The following PPFIBP1 variants were observed in gnomAD, a reference collection of about 807,000 sequenced individuals.
The protein encoded by PPFIBP1 is PPFIB scaffold protein 1.
A neutral mutation model predicts 137.8 loss-of-function variants in PPFIBP1; 112 were observed. The observed-to-expected ratio is 0.81, with a 90% CI of 0.70 to 0.95. The LOEUF is 0.95. Ranked by LOEUF, PPFIBP1 falls within the 40% of genes least tolerant of loss-of-function variation. The probability of loss-of-function intolerance (pLI) is 0.00; values close to 1 mark genes in which losing one functional copy is unlikely to be tolerated. For synonymous variants in PPFIBP1, 378 were observed against 417.3 expected (o/e 0.91, Z 1.15); for missense variants, 1,083 against 1,196.6 (o/e 0.91, Z 1.40).
chr12:27,568,258 G>A (rs1378447181), intron 1 of PPFIBP1, among the ~76,000 whole-genome samples: 1 of 152,186 alleles, frequency 6.6e-6, no homozygotes, highest in African/African-American at 2.4e-5. Flanking sequence ...AGTAATCTTA[G>A]AAGTTATTTT....
At chr12:27,612,746 A>G (rs1315005715) in intron 2 of PPFIBP1, among the ~76,000 whole-genome samples, 3 of 152,288 alleles carry the variant, frequency 2.0e-5, no homozygotes, top group African/African-American at 7.2e-5. Context: ...GGGCCCTGAA[A>G]TACAATCCTA....
intron 1 of PPFIBP1, among the ~76,000 whole-genome samples, chr12:27,539,514 C>T (rs1167721942): frequency 8.5e-5 from 13 of 152,140 alleles, no homozygotes; most frequent in African/African-American, 1.9e-4. Flanking sequence ...TGTTTTGATA[C>T]GTGAGACATG....
At chr12:27,578,293 A>G (rs2050735990) in intron 2 of PPFIBP1, 54 bp downstream of exon 2, 4 of 152,270 alleles carry the variant, frequency 2.6e-5, no homozygotes, top group Admixed American at 6.5e-5. Flanking sequence ...AAAACCTGCA[A>G]TTTCCTCTCA....
intron 2 of PPFIBP1, among the ~76,000 whole-genome samples, chr12:27,623,074 G>C (rs1214569252): frequency 6.6e-6 from 1 of 152,080 alleles, no homozygotes; most frequent in African/African-American, 2.4e-5. Flanking sequence ...CTTATATCTA[G>C]GAAGCAGTCC....
Position 27,682,661 on chromosome 12 carries a change from T to C in PPFIBP1, c.2205T>C (p.Asp735=), listed in dbSNP as rs752032340. ...TCCCTCAATATAAGACCCAGTTTGA[T>C]GAAGGACGGGTTGATGGTCGAATGC... ...IGLPQYKTQF[D]EGRVDGRMLH... is the part of the protein sequence containing the mutation. The change falls in exon 24 of 30, where the codon GAT becomes GAC. Residue 735 remains aspartate, a synonymous_variant. Transcript: ENST00000228425. The C allele has an allele frequency of 8.7e-6, 14 of 1,614,084 alleles. No homozygotes were observed. In the African/African-American group the frequency reaches 1.6e-4, roughly 18 times the overall value.
At chr12:27,596,751 A>G (rs2053359889) in intron 2 of PPFIBP1, among the ~76,000 whole-genome samples, 1 of 152,176 alleles carries the variant, frequency 6.6e-6, no homozygotes, top group Non-Finnish European at 1.5e-5. Context: ...TATATGTGTC[A>G]TTTTTTAATC....
chr12:27,608,702 C>G, intron 2 of PPFIBP1: 1 of 407,018 alleles, frequency 2.5e-6, no homozygotes, highest in Non-Finnish European at 4.5e-6. Context: ...AGAAGGGAGA[C>G]AGGGACACCG....
chr12:27,589,434 G>A (rs1023337693), intron 2 of PPFIBP1, among the ~76,000 whole-genome samples: 8 of 152,068 alleles, frequency 5.3e-5, no homozygotes, highest in African/African-American at 1.9e-4. Flanking sequence ...CATGAGCCAC[G>A]GCACCTGGCC....
chr12:27,630,241 G>A (rs1187242240), intron 2 of PPFIBP1, among the ~76,000 whole-genome samples: 7 of 151,764 alleles, frequency 4.6e-5, no homozygotes, highest in Non-Finnish European at 8.8e-5. Flanking sequence ...TCTATATTAT[G>A]TTAAATATAA....
At chr12:27,536,318 T>G (rs1944997574) in intron 1 of PPFIBP1, among the ~76,000 whole-genome samples, 2 of 152,176 alleles carry the variant, frequency 1.3e-5, no homozygotes, top group South Asian at 4.1e-4. Context: ...AAACTAGGAC[T>G]GGATAATTTA....
chr12:27,663,252 A>G (rs1593223002), intron 11 of PPFIBP1, among the ~76,000 whole-genome samples: 1 of 152,136 alleles, frequency 6.6e-6, no homozygotes, highest in African/African-American at 2.4e-5. Context: ...ACATTTGCTG[A>G]TATCTCTTTG....
intron 2 of PPFIBP1, chr12:27,593,306 G>A (rs1416704937): frequency 9.3e-5 from 33 of 356,134 alleles, no homozygotes; most frequent in Middle Eastern, 9.7e-4. Context: ...GTATCACTTC[G>A]GGCCCCTTGG....
intron 27 of PPFIBP1, among the ~76,000 whole-genome samples, chr12:27,690,652 A>C (rs1225776883): frequency 2.0e-5 from 3 of 152,256 alleles, no homozygotes; most frequent in Non-Finnish European, 4.4e-5. Flanking sequence ...TGGCTTCCAT[A>C]ATCCATGTAT....
At chr12:27,613,317 A>G (rs1308100945) in intron 2 of PPFIBP1, among the ~76,000 whole-genome samples, 1 of 152,220 alleles carries the variant, frequency 6.6e-6, no homozygotes, top group Non-Finnish European at 1.5e-5. Flanking sequence ...GAAACCTTGG[A>G]TATTACACAT....
chr12:27,588,133 G>A (rs1305837360), intron 2 of PPFIBP1, among the ~76,000 whole-genome samples: 1 of 152,220 alleles, frequency 6.6e-6, no homozygotes. Flanking sequence ...GCTAGCAAGT[G>A]TACATTGCTT....
chr12:27,680,123 T>C, intron 21 of PPFIBP1, 62 bp downstream of exon 21: 1 of 1,591,630 alleles, frequency 6.3e-7, no homozygotes, highest in South Asian at 1.1e-5. Flanking sequence ...TCATGAGTCC[T>C]GCAGTATTAG....
At chr12:27,654,596 A>G (rs1204675815) in intron 7 of PPFIBP1, 126 bp from the exon 8 acceptor site, 2 of 1,223,304 alleles carry the variant, frequency 1.6e-6, no homozygotes, top group Non-Finnish European at 2.2e-6. Context: ...CATTTGTCTC[A>G]TCTGATTCAT....
chr12:27,688,468 T>C, intron 26 of PPFIBP1, 45 bp downstream of exon 26: 1 of 1,605,330 alleles, frequency 6.2e-7, no homozygotes, highest in South Asian at 1.1e-5. Flanking sequence ...TTGCTTCCTT[T>C]AGTCTAGTCA....
chr12:27,686,985 C>T (rs1049028140), intron 24 of PPFIBP1, among the ~76,000 whole-genome samples: 9 of 152,170 alleles, frequency 5.9e-5, no homozygotes, highest in Non-Finnish European at 1.3e-4. Flanking sequence ...TTATCCAAAG[C>T]CTAAGTACTT....
Sources: allele counts gnomAD v4.1 joint callset (sites outside exome capture counted in the v4.1 genomes callset), GRCh38; gene constraint gnomAD v4.1.1; transcripts MANE v1.5; gene names NCBI Gene and HGNC (gene_info 2026-07-23, HGNC 2026-07-21).